TAFA2: variants seen among roughly 807,000 people sequenced by gnomAD.
TAFA2 encodes the protein chemokine-like protein TAFA-2.
TAFA2 carries 7 observed loss-of-function variants against 18.8 expected under a neutral mutation model. That is an observed-to-expected ratio of 0.37 (90% CI 0.21 to 0.70). The LOEUF (loss-of-function observed/expected upper bound fraction) is 0.70. TAFA2 is among the 30% of genes least tolerant of loss of function. TAFA2 has a pLI of 0.53. For synonymous variants in TAFA2, 60 were observed against 54.2 expected, an observed-to-expected ratio of 1.11 and a Z score of -0.47; for missense variants, 122 against 158.1, an observed-to-expected ratio of 0.77 and a Z score of 1.23.
chr12:61,885,113 T>G (rs73308290), intron 1 of TAFA2, among the ~76,000 whole-genome samples: 1,598 of 152,320 alleles, frequency 0.01, 30 homozygotes, highest in African/African-American at 0.037. Context: ...TGTTTTTCCC[T>G]GTATTATAAA....
At chr12:61,802,884 A>G (rs1370943251) in intron 2 of TAFA2, among the ~76,000 whole-genome samples, 1 of 151,984 alleles carries the variant, frequency 6.6e-6, no homozygotes, top group African/African-American at 2.4e-5. Context: ...ATATGGTAAC[A>G]AAAAGAAAAA....
chr12:61,945,128 C>A (rs894653934), intron 1 of TAFA2, among the ~76,000 whole-genome samples: 3 of 117,820 alleles, frequency 2.5e-5, no homozygotes, highest in Admixed American at 8.0e-5. Flanking sequence ...GGCTTCATCC[C>A]TGGGATGCAA....
chr12:62,233,066 C>CTTTTTTTTTTTTTTT lies in TAFA2; in HGVS notation c.-130+25682_-130+25696dup, dbSNP rs34781688. The stretch of plus-strand genomic sequence containing the variant: ...TGTCCTCCCAGCAATTTCTGCATCT[C>CTTTTTTTTTTTTTTT]TTTTTTTTTTTTTTTTTTTTTTTTT... On this transcript the variant is annotated intron_variant, in intron 1 of 5. Coordinates refer to the TAFA2 transcript ENST00000551619. Among the ~76,000 whole-genome samples, 24 of 39,576 alleles carry CTTTTTTTTTTTTTTT rather than the reference C, an allele frequency of 6.1e-4. 7 individuals are homozygous for CTTTTTTTTTTTTTTT. The highest frequency in any genetic ancestry group is 3.2e-3 in the South Asian group (2 of 622). 26.0% of individuals were successfully genotyped at this position (39,576 alleles called of 152,430 possible). A position where few individuals can be genotyped will look rare whatever the true frequency, so the allele number is the denominator to read the frequency against.
intron 2 of TAFA2, among the ~76,000 whole-genome samples, chr12:61,815,627 C>A (rs950245012): frequency 1.3e-5 from 2 of 149,234 alleles, no homozygotes; most frequent in Non-Finnish European, 2.9e-5. Context: ...CGTGCCACTG[C>A]ACTCCAGCCT....
At chr12:62,005,678 G>C (rs147940192) in intron 1 of TAFA2, among the ~76,000 whole-genome samples, 11 of 152,136 alleles carry the variant, frequency 7.2e-5, no homozygotes, top group African/African-American at 2.6e-4. Context: ...TTTTCTCTAA[G>C]GTTATAGGGA....
intron 1 of TAFA2, among the ~76,000 whole-genome samples, chr12:62,231,298 A>T (rs2062811004): frequency 6.6e-6 from 1 of 152,126 alleles, no homozygotes; most frequent in Admixed American, 6.5e-5. Flanking sequence ...ATAGATTCAC[A>T]ATTATTATAT....
At chr12:62,036,513 T>C (rs1417119632) in intron 1 of TAFA2, among the ~76,000 whole-genome samples, 1 of 152,194 alleles carries the variant, frequency 6.6e-6, no homozygotes, top group Non-Finnish European at 1.5e-5. Flanking sequence ...CATTCATTTA[T>C]CTGAAGTTAG....
chr12:61,925,533 A>T (rs983585705), intron 1 of TAFA2, among the ~76,000 whole-genome samples: 2 of 152,230 alleles, frequency 1.3e-5, no homozygotes, highest in Non-Finnish European at 2.9e-5. Flanking sequence ...GTTCTTTGAA[A>T]CCATTGAGAA....
chr12:62,099,288 C>T (rs1456019307), intron 1 of TAFA2, among the ~76,000 whole-genome samples: 1 of 151,988 alleles, frequency 6.6e-6, no homozygotes, highest in Non-Finnish European at 1.5e-5. Flanking sequence ...GTCTCCCAGC[C>T]CAGAACTATT....
At chr12:62,251,156 T>C (rs1232347363) in intron 1 of TAFA2, among the ~76,000 whole-genome samples, 1 of 152,202 alleles carries the variant, frequency 6.6e-6, no homozygotes. Context: ...GGTAGTCATG[T>C]AATTGTTATA....
intron 1 of TAFA2, among the ~76,000 whole-genome samples, chr12:62,143,886 TA>T (rs1163032934): frequency 2.0e-5 from 3 of 148,920 alleles, no homozygotes; most frequent in Non-Finnish European, 4.5e-5. Flanking sequence ...CTACAAAAAA[TA>T]CAAAAAAAAA....
At chr12:62,195,716 T>C (rs1161922518), upstream of TAFA2, among the ~76,000 whole-genome samples, 2 of 152,182 alleles carry the variant, frequency 1.3e-5, no homozygotes, top group East Asian at 3.8e-4. Flanking sequence ...TGTAAACAAA[T>C]GTGCTGCTAT....
chr12:62,046,724 C>T (rs1881918053), intron 1 of TAFA2, among the ~76,000 whole-genome samples: 1 of 151,774 alleles, frequency 6.6e-6, no homozygotes, highest in South Asian at 2.1e-4. Context: ...CATTGTTCAG[C>T]GTCCATAGAT....
intron 1 of TAFA2, among the ~76,000 whole-genome samples, chr12:62,247,108 A>G (rs2062890425): frequency 6.6e-6 from 1 of 152,022 alleles, no homozygotes; most frequent in South Asian, 2.1e-4. Flanking sequence ...TGTCTGCCTT[A>G]TATTAGATTG....
At chr12:62,044,731 C>T (rs936500173) in intron 1 of TAFA2, among the ~76,000 whole-genome samples, 1 of 152,128 alleles carries the variant, frequency 6.6e-6, no homozygotes, top group African/African-American at 2.4e-5. Context: ...GAGAACTAGG[C>T]TCCATCTTTA....
chr12:61,783,429 G>T (rs1040016242), intron 2 of TAFA2, among the ~76,000 whole-genome samples: 1 of 151,550 alleles, frequency 6.6e-6, no homozygotes, highest in Non-Finnish European at 1.5e-5. Context: ...TACCACTCGT[G>T]TACTTGGGCA....
At chr12:62,069,624 CAT>C (rs1234644990) in intron 1 of TAFA2, among the ~76,000 whole-genome samples, 2 of 152,120 alleles carry the variant, frequency 1.3e-5, no homozygotes, top group African/African-American at 4.8e-5. Flanking sequence ...AACCAGAAAA[CAT>C]ATAAATTCCT....
intron 4 of TAFA2, among the ~76,000 whole-genome samples, chr12:61,749,909 A>G (rs1163562048): frequency 6.6e-6 from 1 of 152,082 alleles, no homozygotes; most frequent in East Asian, 1.9e-4. Flanking sequence ...CTTGGTGTCC[A>G]TACCATTAGG....
intron 1 of TAFA2, among the ~76,000 whole-genome samples, chr12:62,145,043 G>A (rs1157970097): frequency 6.6e-6 from 1 of 152,238 alleles, no homozygotes; most frequent in African/African-American, 2.4e-5. Context: ...CAAAGGTGAT[G>A]ATCATTTAAC....
Sources: gnomAD v4.1 joint callset for allele counts (sites outside exome capture counted in the v4.1 genomes callset) on GRCh38, gnomAD v4.1.1 for gene constraint, MANE v1.5 for transcripts, NCBI Gene and HGNC (gene_info 2026-07-23, HGNC 2026-07-21) for gene names.